HYCC1: variants seen among roughly 807,000 people sequenced by gnomAD.
The protein encoded by HYCC1 is hyccin PI4KA lipid kinase complex subunit 1.
chr7:22,993,154 A>T, the HYCC1 span, among the ~76,000 whole-genome samples: 1 of 152,174 alleles, frequency 6.6e-6, no homozygotes. Flanking sequence ...TCTTTATAAT[A>T]AATGGGGCTA....
the HYCC1 span, among the ~76,000 whole-genome samples, chr7:22,951,665 C>A: frequency 2.8e-4 from 42 of 151,818 alleles, no homozygotes; most frequent in South Asian, 8.3e-3. Flanking sequence ...TAAGCTATTC[C>A]TTACAGTGTT....
At chr7:22,997,777 C>T in the HYCC1 span, among the ~76,000 whole-genome samples, 2 of 152,264 alleles carry the variant, frequency 1.3e-5, no homozygotes, top group Non-Finnish European at 2.9e-5. Context: ...TTTGGGAAGT[C>T]TTTCCAAAGG....
chr7:22,924,417 G>A, the HYCC1 span, among the ~76,000 whole-genome samples: 1 of 152,162 alleles, frequency 6.6e-6, no homozygotes, highest in Non-Finnish European at 1.5e-5. Flanking sequence ...AGGGGTCAGG[G>A]AATTCCCTTT....
chr7:22,902,185 T>C, the HYCC1 span, among the ~76,000 whole-genome samples: 1 of 151,898 alleles, frequency 6.6e-6, no homozygotes, highest in Admixed American at 6.6e-5. Flanking sequence ...ATGTTATAAG[T>C]CAAAGGAGAA....
the HYCC1 span, among the ~76,000 whole-genome samples, chr7:22,975,809 C>G: frequency 2.0e-5 from 3 of 152,092 alleles, no homozygotes; most frequent in African/African-American, 2.4e-5. Context: ...CTCAACCTCC[C>G]GGGCTCAAGT....
chr7:22,959,783 CAAGAA>C, the HYCC1 span, among the ~76,000 whole-genome samples: 1 of 151,960 alleles, frequency 6.6e-6, no homozygotes, highest in Non-Finnish European at 1.5e-5. Context: ...AAATTAACTT[CAAGAA>C]AATACAACTA....
chr7:22,976,003 A>C, the HYCC1 span, among the ~76,000 whole-genome samples: 2 of 152,168 alleles, frequency 1.3e-5, no homozygotes, highest in Non-Finnish European at 2.9e-5. Flanking sequence ...TACAGACATG[A>C]GCTATCGCAT....
chr7:22,981,082 C>G, the HYCC1 span, among the ~76,000 whole-genome samples: 2 of 152,164 alleles, frequency 1.3e-5, no homozygotes. Context: ...ACACATATTT[C>G]CCTTACTTCA....
the HYCC1 span, chr7:22,940,216 C>CT: frequency 8.2e-6 from 1 of 121,910 alleles, no homozygotes; most frequent in Admixed American, 8.3e-5. Flanking sequence ...TTTCAAGTGT[C>CT]TAATAGGTTA....
At chr7:22,964,646 A>G in the HYCC1 span, 4 of 668,010 alleles carry the variant, frequency 6.0e-6, no homozygotes, top group Admixed American at 5.0e-5. Context: ...CCTAATATTT[A>G]TGAAACAAAG....
the HYCC1 span, among the ~76,000 whole-genome samples, chr7:22,958,065 T>C: frequency 6.6e-6 from 1 of 151,968 alleles, no homozygotes; most frequent in Non-Finnish European, 1.5e-5. Flanking sequence ...GAGAATTGTC[T>C]ATATATCTAA....
the HYCC1 span, chr7:22,945,031 T>C: frequency 6.4e-6 from 1 of 155,522 alleles, no homozygotes; most frequent in East Asian, 1.9e-4. Flanking sequence ...TACAAATATT[T>C]TCATCAGGTG....
chr7:22,927,957 T>C, the HYCC1 span, among the ~76,000 whole-genome samples: 1 of 152,106 alleles, frequency 6.6e-6, no homozygotes, highest in Non-Finnish European at 1.5e-5. Context: ...GCAAACCGAA[T>C]CCAGCAACAC....
At chr7:22,967,236 T>C in the HYCC1 span, among the ~76,000 whole-genome samples, 1 of 152,126 alleles carries the variant, frequency 6.6e-6, no homozygotes. Flanking sequence ...AAGTTCAAGA[T>C]GTGGTAAAGG....
chr7:22,951,491 A>G, the HYCC1 span, among the ~76,000 whole-genome samples: 7,463 of 151,998 alleles, frequency 0.049, 214 homozygotes, highest in Non-Finnish European at 0.055. Flanking sequence ...TATGAAAAAT[A>G]CTTTAACTTA....
At chr7:22,987,055 T>C in the HYCC1 span, among the ~76,000 whole-genome samples, 9 of 152,164 alleles carry the variant, frequency 5.9e-5, 1 homozygote, top group Admixed American at 5.2e-4. Flanking sequence ...AGTCACATAT[T>C]GAGATTCAGC....
chr7:22,915,581 C>G, the HYCC1 span, among the ~76,000 whole-genome samples: 3 of 152,350 alleles, frequency 2.0e-5, no homozygotes, highest in Admixed American at 2.0e-4. Flanking sequence ...GGCTTAGCGG[C>G]TTAAGACTGA....
At chr7:23,010,864 CTTCT>C in the HYCC1 span, among the ~76,000 whole-genome samples, 2 of 152,250 alleles carry the variant, frequency 1.3e-5, no homozygotes, top group South Asian at 2.1e-4. Flanking sequence ...CATTTTCTCC[CTTCT>C]TTATTTCAGT....
the HYCC1 span, among the ~76,000 whole-genome samples, chr7:22,994,371 C>A: frequency 1.3e-5 from 2 of 151,978 alleles, no homozygotes; most frequent in African/African-American, 4.8e-5. Flanking sequence ...ACAGATAAAA[C>A]GAATCCATTT....
Sources: gnomAD v4.1 joint callset for allele counts (sites outside exome capture counted in the v4.1 genomes callset) on GRCh38, gnomAD v4.1.1 for gene constraint, MANE v1.5 for transcripts, NCBI Gene and HGNC (gene_info 2026-07-23, HGNC 2026-07-21) for gene names.